RCSD1: variants seen among roughly 807,000 people sequenced by gnomAD.
RCSD1 encodes RCSD domain containing 1.
Under a neutral mutation model 42.5 loss-of-function variants are expected in RCSD1, and 26 were observed. That is an observed-to-expected ratio of 0.61 (90% CI 0.45 to 0.85). RCSD1 has a LOEUF of 0.85. Among genes scored for constraint, RCSD1 ranks in the 40% least tolerant of loss-of-function variants. The pLI is 0.00. For synonymous variants in RCSD1, 220 were observed against 212.2 expected (o/e 1.04, Z -0.32); for missense variants, 571 against 528.3 (o/e 1.08, Z -0.79).
At chr1:167,659,948 A>T (rs1658504636) in intron 1 of RCSD1, among the ~76,000 whole-genome samples, 1 of 152,100 alleles carries the variant, frequency 6.6e-6, no homozygotes, top group Non-Finnish European at 1.5e-5. Context: ...CTCCAAAAGG[A>T]TGTCTGCATC....
intron 1 of RCSD1, among the ~76,000 whole-genome samples, chr1:167,683,597 C>A (rs981209059): frequency 1.3e-5 from 2 of 152,134 alleles, no homozygotes; most frequent in Middle Eastern, 6.3e-3. Flanking sequence ...CGGTGGGGTC[C>A]TTGAGGAATG....
chr1:167,664,088 G>A (rs1050480451), intron 1 of RCSD1: 1 of 152,216 alleles, frequency 6.6e-6, no homozygotes, highest in African/African-American at 2.4e-5. Flanking sequence ...CCATGACCTT[G>A]TAGGGGGTGT....
chr1:167,669,581 T>A (rs1275306209), intron 1 of RCSD1, among the ~76,000 whole-genome samples: 1 of 152,282 alleles, frequency 6.6e-6, no homozygotes, highest in Non-Finnish European at 1.5e-5. Context: ...CTTTGGGTTT[T>A]GTTACATACT....
intron 6 of RCSD1, among the ~76,000 whole-genome samples, chr1:167,701,607 A>C (rs1411267566): frequency 6.6e-6 from 1 of 152,084 alleles, no homozygotes; most frequent in Non-Finnish European, 1.5e-5. Flanking sequence ...TGCCCAGCCT[A>C]GTTTAGAGAG....
chr1:167,654,274 T>C (rs1658374930), intron 1 of RCSD1, among the ~76,000 whole-genome samples: 1 of 152,176 alleles, frequency 6.6e-6, no homozygotes, highest in Non-Finnish European at 1.5e-5. Context: ...GTGATTTTAC[T>C]GGGGAACTTA....
intron 1 of RCSD1, among the ~76,000 whole-genome samples, chr1:167,646,145 G>GA (rs1480955657): frequency 1.3e-5 from 2 of 152,204 alleles, no homozygotes; most frequent in African/African-American, 4.8e-5. Flanking sequence ...TTCCATCTAG[G>GA]AGCATGGAGA....
intron 6 of RCSD1, among the ~76,000 whole-genome samples, chr1:167,698,649 C>T (rs527877787): frequency 6.6e-6 from 1 of 152,318 alleles, no homozygotes; most frequent in East Asian, 1.9e-4. Flanking sequence ...TGCAGAGTCC[C>T]TAACAATCTC....
rs993948563 is a variant in RCSD1 at position 167,705,731 on chromosome 1, T to G, written c.*1035T>G. ...GTTCTTCTGCCCAACACAAAAGGAG[T>G]GAGTTGGGGTCTTTAGTCTCTTCTT... On this transcript the variant is annotated 3_prime_UTR_variant, in exon 7 of 7. Transcript: ENST00000367854. 6.6e-6 allele frequency: 1 copy of G among 152,038 alleles called. No homozygotes were observed. The highest frequency in any genetic ancestry group is 2.4e-5 in the African/African-American group (1 of 41,376). 9.4% of individuals were successfully genotyped at this position (152,038 alleles called of 1,614,324 possible).
chr1:167,676,373 C>T (rs1658952502), intron 1 of RCSD1, among the ~76,000 whole-genome samples: 1 of 152,154 alleles, frequency 6.6e-6, no homozygotes, highest in African/African-American at 2.4e-5. Flanking sequence ...TGAGTGTTTG[C>T]ATATTGGGTT....
chr1:167,693,589 T>C (rs1174593070), intron 4 of RCSD1, among the ~76,000 whole-genome samples: 1 of 152,200 alleles, frequency 6.6e-6, no homozygotes, highest in East Asian at 1.9e-4. Context: ...CCGGTGTGAA[T>C]CTCAGGGCAG....
At chr1:167,653,652 G>A (rs926537809) in intron 1 of RCSD1, among the ~76,000 whole-genome samples, 1 of 152,208 alleles carries the variant, frequency 6.6e-6, no homozygotes, top group Non-Finnish European at 1.5e-5. Context: ...CCTTCAAGGC[G>A]GGCTCACACT....
At chr1:167,682,668 AGTGTGTGTGTGTGTGTGT>A (rs10607777) in intron 1 of RCSD1, among the ~76,000 whole-genome samples, 1 of 142,618 alleles carries the variant, frequency 7.0e-6, no homozygotes, top group Non-Finnish European at 1.5e-5. Context: ...GCCATGGAAG[AGTGTGTGTGTGTGTGTGT>A]GTGTGTGTGT....
chr1:167,668,987 A>G (rs1312537003), intron 1 of RCSD1, among the ~76,000 whole-genome samples: 3 of 152,242 alleles, frequency 2.0e-5, no homozygotes, highest in African/African-American at 7.2e-5. Context: ...ATTTATAAAA[A>G]CTTAAGCTTG....
chr1:167,634,637 G>C (rs1657787857), intron 1 of RCSD1, among the ~76,000 whole-genome samples: 1 of 152,094 alleles, frequency 6.6e-6, no homozygotes, highest in South Asian at 2.1e-4. Flanking sequence ...CCAATAGCCT[G>C]AGGGCACTTG....
chr1:167,688,130 A>G (rs1558090249), intron 3 of RCSD1, among the ~76,000 whole-genome samples: 1 of 152,174 alleles, frequency 6.6e-6, no homozygotes, highest in Non-Finnish European at 1.5e-5. Context: ...GAACTGCACT[A>G]GAGGCTATTT....
At chr1:167,688,165 A>C (rs1433778617) in intron 3 of RCSD1, among the ~76,000 whole-genome samples, 4 of 152,160 alleles carry the variant, frequency 2.6e-5, no homozygotes, top group Non-Finnish European at 5.9e-5. Context: ...TTTGCAATTC[A>C]AATCAATAGG....
chr1:167,655,619 C>T (rs1432830205), intron 1 of RCSD1, among the ~76,000 whole-genome samples: 1 of 152,158 alleles, frequency 6.6e-6, no homozygotes, highest in African/African-American at 2.4e-5. Flanking sequence ...ACCAGTCACC[C>T]TGGGGGGCAA....
chr1:167,649,287 C>A (rs1193174948), intron 1 of RCSD1, among the ~76,000 whole-genome samples: 3 of 152,140 alleles, frequency 2.0e-5, no homozygotes, highest in Non-Finnish European at 4.4e-5. Context: ...CCAGGCAAGA[C>A]CTCGAGAACC....
At chr1:167,674,291 G>A (rs961239160) in intron 1 of RCSD1, among the ~76,000 whole-genome samples, 5 of 152,214 alleles carry the variant, frequency 3.3e-5, no homozygotes, top group African/African-American at 1.2e-4. Flanking sequence ...AGATGTGTCT[G>A]CAGCTGCAAG....
Sources: gnomAD v4.1 joint callset for allele counts (sites outside exome capture counted in the v4.1 genomes callset) on GRCh38, gnomAD v4.1.1 for gene constraint, MANE v1.5 for transcripts, NCBI Gene and HGNC (gene_info 2026-07-23, HGNC 2026-07-21) for gene names.